Variants in ANKRD44 observed in about 807,000 individuals in gnomAD.
The protein encoded by ANKRD44 is serine/threonine-protein phosphatase 6 regulatory ankyrin repeat subunit B.
Under a neutral mutation model 116.0 loss-of-function variants are expected in ANKRD44, and 35 were observed. The observed-to-expected ratio is 0.30, with a 90% CI of 0.23 to 0.40. ANKRD44 has a LOEUF of 0.40. Ranked by LOEUF, ANKRD44 falls within the 10% of genes least tolerant of loss-of-function variation. The probability of loss-of-function intolerance (pLI) is 1.00; values close to 1 mark genes in which losing one functional copy is unlikely to be tolerated. For synonymous variants in ANKRD44, 435 were observed against 461.8 expected, an observed-to-expected ratio of 0.94 and a Z score of 0.74; for missense variants, 1,014 against 1,242.6, an observed-to-expected ratio of 0.82 and a Z score of 2.77.
At chr2:197,281,977 G>A (rs2083277308) in intron 1 of ANKRD44, among the ~76,000 whole-genome samples, 1 of 152,176 alleles carries the variant, frequency 6.6e-6, no homozygotes, top group Non-Finnish European at 1.5e-5. Context: ...CTGCAGGACA[G>A]CCGTGGTGGC....
chr2:197,110,874 T>C (rs1437374184), intron 8 of ANKRD44, 30 bp from the exon 9 acceptor site: 2 of 1,564,462 alleles, frequency 1.3e-6, no homozygotes, highest in South Asian at 2.2e-5. Context: ...AGAAAAACAA[T>C]GGAGGTGCTC....
chr2:197,058,972 G>A (rs2077256682), intron 16 of ANKRD44, among the ~76,000 whole-genome samples: 1 of 152,158 alleles, frequency 6.6e-6, no homozygotes, highest in Admixed American at 6.6e-5. Flanking sequence ...CGTTTCCATG[G>A]TGACTTGTGA....
chr2:197,078,500 G>C (rs111333945), intron 16 of ANKRD44: 86 of 1,372,216 alleles, frequency 6.3e-5, no homozygotes, highest in Middle Eastern at 2.4e-4. Flanking sequence ...CTTGGGTGGT[G>C]GTGGGGCTCT....
Position 197,310,713 on chromosome 2 carries a change from C to T in ANKRD44, c.-109G>A, listed in dbSNP as rs1265068804. The T allele has an allele frequency of 3.4e-6, 4 of 1,182,184 alleles. No homozygotes were observed. Among genetic ancestry groups the T allele is most frequent in the South Asian group, 1.6e-5 (1 of 61,106 alleles). The allele number at this position is 1,182,184 out of a possible 1,614,324, so 73.2% of individuals were successfully genotyped here. A position where few individuals can be genotyped will look rare whatever the true frequency, so the allele number is the denominator to read the frequency against. ...CCAGGAGAAGGGAAAAAATCTGGCT[C>T]CCGAATTTGACAGCCCTCCCCCTGC... is the stretch of plus-strand genomic sequence containing the variant. On this transcript the variant is annotated 5_prime_UTR_variant, in exon 1 of 28. Transcript: ENST00000282272.
chr2:197,143,186 T>A (rs1009999318), intron 3 of ANKRD44, among the ~76,000 whole-genome samples: 17 of 149,044 alleles, frequency 1.1e-4, no homozygotes, highest in African/African-American at 3.9e-4. Context: ...TTTTTTTATT[T>A]TTTATTTATT....
intron 8 of ANKRD44, among the ~76,000 whole-genome samples, chr2:197,116,311 A>G (rs2078706234): frequency 6.6e-6 from 1 of 152,218 alleles, no homozygotes; most frequent in Admixed American, 6.5e-5. Flanking sequence ...AGGTTGGTAA[A>G]GAGAGCGCCT....
intron 2 of ANKRD44, among the ~76,000 whole-genome samples, chr2:197,182,153 T>C (rs376244931): frequency 1.3e-5 from 2 of 152,358 alleles, no homozygotes; most frequent in East Asian, 1.9e-4. Flanking sequence ...CTATTCTCCA[T>C]CTTGAGCTCA....
At chr2:197,095,830 C>T (rs187672249) in intron 10 of ANKRD44, among the ~76,000 whole-genome samples, 3 of 152,172 alleles carry the variant, frequency 2.0e-5, no homozygotes, top group Non-Finnish European at 2.9e-5. Context: ...GAGGGAAGCA[C>T]TCATAATGTT....
At chr2:197,011,164 G>A (rs1054782329) in intron 18 of ANKRD44, among the ~76,000 whole-genome samples, 14 of 152,272 alleles carry the variant, frequency 9.2e-5, no homozygotes, top group African/African-American at 3.4e-4. Context: ...TTAATGTATG[G>A]CTAAAAGGAA....
intron 15 of ANKRD44, 124 bp from the exon 16 acceptor site, chr2:197,078,938 C>A: frequency 2.1e-6 from 2 of 944,434 alleles, no homozygotes; most frequent in Non-Finnish European, 3.0e-6. Flanking sequence ...CTTTAAAAAT[C>A]CTACAGCAAT....
intron 9 of ANKRD44, among the ~76,000 whole-genome samples, chr2:197,107,731 T>G (rs1367864528): frequency 6.6e-6 from 1 of 152,204 alleles, no homozygotes; most frequent in Non-Finnish European, 1.5e-5. Context: ...GCCCATGTGG[T>G]CCTGGAGGAC....
At chr2:197,302,125 C>A in intron 1 of ANKRD44, 1 of 153,526 alleles carries the variant, frequency 6.5e-6, no homozygotes, top group Non-Finnish European at 1.4e-5. Context: ...AGGAGGAGGC[C>A]AGTGGGGCTG....
chr2:197,032,027 C>T (rs1342030487), intron 16 of ANKRD44, among the ~76,000 whole-genome samples: 1 of 152,116 alleles, frequency 6.6e-6, no homozygotes, highest in Non-Finnish European at 1.5e-5. Context: ...AAATCCTGTC[C>T]TAGAATAAAC....
intron 17 of ANKRD44, among the ~76,000 whole-genome samples, chr2:197,017,150 C>G (rs1362402214): frequency 6.6e-6 from 1 of 152,158 alleles, no homozygotes; most frequent in Non-Finnish European, 1.5e-5. Context: ...ATTGGTGTGA[C>G]ATTTGTCGAG....
intron 8 of ANKRD44, among the ~76,000 whole-genome samples, chr2:197,118,677 A>AAGAAAGAAAGAG (rs1226607769): frequency 2.6e-5 from 4 of 152,072 alleles, no homozygotes; most frequent in Admixed American, 1.3e-4. Context: ...GAAAGAAAGA[A>AAGAAAGAAAGAG]AAACCTAAAT....
intron 16 of ANKRD44, among the ~76,000 whole-genome samples, chr2:197,044,245 C>T (rs2076961418): frequency 6.6e-6 from 1 of 152,184 alleles, no homozygotes; most frequent in Non-Finnish European, 1.5e-5. Flanking sequence ...GGTTGATAAA[C>T]AGAGTAAGAA....
At chr2:197,074,636 C>G (rs964796328) in intron 16 of ANKRD44, among the ~76,000 whole-genome samples, 4 of 152,022 alleles carry the variant, frequency 2.6e-5, no homozygotes, top group African/African-American at 4.8e-5. Flanking sequence ...ATCACCATAC[C>G]TGGCTAATTT....
intron 1 of ANKRD44, among the ~76,000 whole-genome samples, chr2:197,200,588 A>G (rs1414939375): frequency 6.6e-6 from 1 of 152,142 alleles, no homozygotes; most frequent in African/African-American, 2.4e-5. Flanking sequence ...TCCAGACAGC[A>G]CGAGCTTGAA....
intron 1 of ANKRD44, among the ~76,000 whole-genome samples, chr2:197,224,902 G>A (rs762956506): frequency 3.3e-5 from 5 of 152,178 alleles, no homozygotes; most frequent in African/African-American, 4.8e-5. Flanking sequence ...TAGATCATAG[G>A]CTCTAAAAAT....
Sources: allele counts gnomAD v4.1 joint callset (sites outside exome capture counted in the v4.1 genomes callset), GRCh38; gene constraint gnomAD v4.1.1; transcripts MANE v1.5; gene names NCBI Gene and HGNC (gene_info 2026-07-23, HGNC 2026-07-21).